PSG3: variants seen among roughly 807,000 people sequenced by gnomAD.
PSG3 encodes pregnancy-specific beta-1-glycoprotein 3.
A neutral mutation model predicts 47.5 loss-of-function variants in PSG3; 61 were observed. The ratio of observed to expected loss-of-function variants is 1.28; its 90% CI spans 1.05 to 1.59. PSG3 has a LOEUF of 1.59. Ranked by LOEUF, PSG3 falls within the 40% of genes most tolerant of loss-of-function variation. The pLI is 0.00. For missense variants in PSG3, 756 were observed against 524.0 expected (o/e 1.44, Z -4.32); for synonymous variants, 263 against 198.4 (o/e 1.33, Z -2.74).
Position 42,721,951 on chromosome 19 carries a change from C to A in PSG3, c.*180G>T. The A allele has an allele frequency of 2.4e-6, 1 of 415,616 alleles. No individual in the cohort carries two copies. Among genetic ancestry groups the A allele is most frequent in the South Asian group, 1.3e-4 (1 of 7,976 alleles). 25.7% of individuals were successfully genotyped at this position (415,616 alleles called of 1,614,324 possible). ...CATTAAAATTTTGAAAGTTCTTAGT[C>A]CAGTGGTATGATCTTGAAGTTATCA... On this transcript the variant is annotated 3_prime_UTR_variant, in exon 7 of 7. Transcript: ENST00000327495.
chr19:42,738,820 C>T lies in PSG3; in HGVS notation c.334G>A (p.Val112Ile). 6.2e-7 allele frequency: 1 copy of T among 1,614,146 alleles called. No individual in the cohort carries two copies. Among genetic ancestry groups the T allele is most frequent in the Non-Finnish European group, 8.5e-7 (1 of 1,180,008 alleles). The change falls in exon 2 of 7, where the codon GTC becomes ATC. Residue 112 changes from valine (V) to isoleucine (I), a missense_variant. By Grantham distance (29) the Val-to-Ile change is conservative. Coordinates refer to ENST00000327495, the MANE Select transcript of PSG3 (RefSeq NM_021016.4). ...TAGGATCCTGCGTCCTCCCGGGTGACATTCTGGATCAGCAGGGATGCATTG... is the reference window on the plus strand; with the variant it reads ...TAGGATCCTGCGTCCTCCCGGGTGATATTCTGGATCAGCAGGGATGCATTG... ...YSNASLLIQN[V>I]TREDAGSYTL...
At chr19:42,731,643 T>C (rs1600385052) in intron 3 of PSG3, among the ~76,000 whole-genome samples, 1 of 151,820 alleles carries the variant, frequency 6.6e-6, no homozygotes. Flanking sequence ...TAGGACAGTG[T>C]TTTCTAATTC....
chr19:42,727,494 A>C (rs545531852), intron 5 of PSG3, among the ~76,000 whole-genome samples: 2 of 152,374 alleles, frequency 1.3e-5, no homozygotes, highest in African/African-American at 2.4e-5. Flanking sequence ...AATATCAAAT[A>C]AGCCCATGCA....
intron 5 of PSG3, among the ~76,000 whole-genome samples, chr19:42,724,556 T>G (rs567970080): frequency 1.8e-3 from 278 of 152,334 alleles, no homozygotes; most frequent in Non-Finnish European, 1.9e-3. Flanking sequence ...GGTGACTGGT[T>G]GGAGGATTCC....
At chr19:42,735,091 A>G (rs1041921401) in intron 2 of PSG3, among the ~76,000 whole-genome samples, 2 of 152,030 alleles carry the variant, frequency 1.3e-5, no homozygotes, top group Admixed American at 1.3e-4. Context: ...CCACCTGGCC[A>G]CCTCCACCTG....
chr19:42,737,145 G>A (rs1207960954), intron 2 of PSG3, among the ~76,000 whole-genome samples: 1 of 152,110 alleles, frequency 6.6e-6, no homozygotes, highest in African/African-American at 2.4e-5. Context: ...GGACCAAGGA[G>A]CCCTGAGAAC....
chr19:42,722,312 G>A (rs1203941242), intron 6 of PSG3, among the ~76,000 whole-genome samples: 8 of 152,044 alleles, frequency 5.3e-5, no homozygotes, highest in Admixed American at 4.6e-4. Flanking sequence ...GTGCAGTGGT[G>A]CGATCCCAGT....
Position 42,738,945 on chromosome 19 carries a change from C to G in PSG3, c.209G>C (p.Gly70Ala). The change falls in exon 2 of 7, where the codon GGG becomes GCG. Residue 70 changes from glycine (G) to alanine (A), a missense_variant. By Grantham distance (60) the Gly-to-Ala change is moderately conservative. Transcript: ENST00000327495. ...QNLAGYIWYKGQMKDLYHYIT... is the reference protein window; with the variant it reads ...QNLAGYIWYKAQMKDLYHYIT... Reference sequence around the variant, plus strand: ...GTAATGGTAGAGGTCCTTCATTTGCCCTTTGTACCAGATGTAGCCAGCAAG... The same window carrying G: ...GTAATGGTAGAGGTCCTTCATTTGCGCTTTGTACCAGATGTAGCCAGCAAG... The G allele has an allele frequency of 6.2e-7, 1 of 1,613,950 alleles. No individual in the cohort carries two copies. Among genetic ancestry groups the G allele is most frequent in the African/African-American group, 1.3e-5 (1 of 74,958 alleles).
In PSG3 at chr19:42,729,118, C is replaced by T. The variant is rs768346862; in HGVS notation, c.1243+5G>A. The T allele has an allele frequency of 1.6e-5, 26 of 1,613,886 alleles. No individual in the cohort carries two copies. The Admixed American group carries it at 2.0e-4, about 12-fold the overall frequency. On this transcript the variant is annotated splice_donor_5th_base_variant and intron_variant, in intron 5 of 6. Coordinates refer to ENST00000327495, the MANE Select transcript of PSG3 (RefSeq NM_021016.4). ...CTATTGCCAAGCATGCTGGGATCCA[C>T]TTACCAGAGACTTTGACTGTCATGG...
intron 2 of PSG3, among the ~76,000 whole-genome samples, chr19:42,734,846 CAG>C (rs1969535798): frequency 1.3e-5 from 2 of 152,138 alleles, no homozygotes; most frequent in East Asian, 3.8e-4. Flanking sequence ...AATTTCTGTG[CAG>C]AGTTAGGAAA....
At chr19:42,738,182 G>A (rs1201492183) in intron 2 of PSG3, among the ~76,000 whole-genome samples, 1 of 152,226 alleles carries the variant, frequency 6.6e-6, no homozygotes, top group Non-Finnish European at 1.5e-5. Context: ...GGCTCTGAGG[G>A]CTGAGCCCTG....
At chr19:42,738,243 T>G (rs1003047929) in intron 2 of PSG3, among the ~76,000 whole-genome samples, 1 of 152,128 alleles carries the variant, frequency 6.6e-6, no homozygotes, top group African/African-American at 2.4e-5. Flanking sequence ...GGTAAATCCT[T>G]GGTCCCAGTA....
At position 42,738,942 on chromosome 19, in the gene PSG3, T is replaced by G. The variant is rs764965137; in HGVS notation, c.212A>C (p.Gln71Pro). 4 of 1,614,102 alleles carry G rather than the reference T, an allele frequency of 2.5e-6. No individual in the cohort carries two copies. In the East Asian group the frequency reaches 6.7e-5, roughly 27 times the overall value. The part of the protein sequence containing the change: ...NLAGYIWYKG[Q>P]MKDLYHYITS... ...AATGTAATGGTAGAGGTCCTTCATT[T>G]GCCCTTTGTACCAGATGTAGCCAGC... The change falls in exon 2 of 7, where the codon CAA becomes CCA. Residue 71 changes from glutamine to proline, a missense_variant. By Grantham distance (76) the Gln-to-Pro change is moderately conservative. Transcript: ENST00000327495.
At chr19:42,739,269 C>T in intron 1 of PSG3, 180 bp from the exon 2 acceptor site, 1 of 1,121,570 alleles carries the variant, frequency 8.9e-7, no homozygotes, top group Non-Finnish European at 1.3e-6. Flanking sequence ...GTCCTACTCT[C>T]CTACTAGGTG....
chr19:42,734,752 G>A (rs1177627969), intron 2 of PSG3, among the ~76,000 whole-genome samples: 68 of 152,198 alleles, frequency 4.5e-4, no homozygotes, highest in Admixed American at 4.3e-3. Flanking sequence ...TGGTTAGTGT[G>A]TCAATTGCAT....
rs1233788810 is a variant in PSG3 at position 42,731,547 on chromosome 19, C to G, written c.709+1237G>C. Among the ~76,000 whole-genome samples the G allele has an allele frequency of 4.6e-5, 7 of 152,170 alleles. No individual in the cohort carries two copies. The South Asian group carries it at 1.2e-3, about 27-fold the overall frequency. On this transcript the variant is annotated intron_variant, in intron 3 of 6. Coordinates refer to ENST00000327495, the MANE Select transcript of PSG3 (RefSeq NM_021016.4). ...GGCTGATTGCTATTTTCTATGTCAT[C>G]AGAACTTTCCACCTTTTCATGGTTG...
intron 1 of PSG3, among the ~76,000 whole-genome samples, chr19:42,739,673 T>C (rs193260033): frequency 2.6e-5 from 4 of 152,030 alleles, no homozygotes; most frequent in African/African-American, 9.7e-5. Context: ...CCTGGGTGTT[T>C]TTTCTTCCCC....
chr19:42,739,655 C>T (rs879742635), intron 1 of PSG3, among the ~76,000 whole-genome samples: 12 of 152,214 alleles, frequency 7.9e-5, no homozygotes, highest in African/African-American at 2.9e-4. Context: ...TCTCAGGGCC[C>T]TCCATGCCCT....
At chr19:42,725,752 A>G (rs1173619371) in intron 5 of PSG3, among the ~76,000 whole-genome samples, 8 of 151,944 alleles carry the variant, frequency 5.3e-5, no homozygotes, top group African/African-American at 1.9e-4. Flanking sequence ...TAGTCCTAGC[A>G]TCTTGGGAGG....
Sources: gnomAD v4.1 joint callset for allele counts (sites outside exome capture counted in the v4.1 genomes callset) on GRCh38, gnomAD v4.1.1 for gene constraint, MANE v1.5 for transcripts, NCBI Gene and HGNC (gene_info 2026-07-23, HGNC 2026-07-21) for gene names.